SCAPER: variants seen among roughly 807,000 people sequenced by gnomAD.
SCAPER encodes S-phase cyclin A associated protein in the ER, also known as S phase cyclin A-associated protein in the endoplasmic reticulum.
Under a neutral mutation model 182.2 loss-of-function variants are expected in SCAPER, and 98 were observed. The ratio of observed to expected loss-of-function variants is 0.54; its 90% CI spans 0.46 to 0.64. SCAPER has a LOEUF of 0.64. SCAPER is among the 30% of genes least tolerant of loss of function. The probability of loss-of-function intolerance (pLI) is 0.00; values close to 1 mark genes in which losing one functional copy is unlikely to be tolerated. For synonymous variants in SCAPER, 605 were observed against 564.6 expected, an observed-to-expected ratio of 1.07 and a Z score of -1.01; for missense variants, 1,432 against 1,690.0, an observed-to-expected ratio of 0.85 and a Z score of 2.68.
At chr15:76,481,652 A>T (rs2051152875) in intron 24 of SCAPER, among the ~76,000 whole-genome samples, 1 of 152,242 alleles carries the variant, frequency 6.6e-6, no homozygotes, top group Non-Finnish European at 1.5e-5. Context: ...AAGAAGCTCC[A>T]GACATACTTT....
chr15:76,807,147 A>G (rs1049304372), intron 5 of SCAPER, among the ~76,000 whole-genome samples: 1 of 152,208 alleles, frequency 6.6e-6, no homozygotes, highest in Non-Finnish European at 1.5e-5. Context: ...ATCTTACCCA[A>G]CGGGAAAGCT....
intron 15 of SCAPER, among the ~76,000 whole-genome samples, chr15:76,746,251 A>G (rs1295438997): frequency 6.6e-6 from 1 of 152,236 alleles, no homozygotes; most frequent in Non-Finnish European, 1.5e-5. Flanking sequence ...GATTGATTCC[A>G]GGATCCACCA....
chr15:76,504,832 A>G (rs1409396546), intron 24 of SCAPER, 27 bp downstream of exon 24: 2 of 1,550,972 alleles, frequency 1.3e-6, no homozygotes, highest in Non-Finnish European at 1.7e-6. Context: ...ATGAAACGTA[A>G]AAAATAGATT....
chr15:76,587,141 G>A (rs1294405776), intron 22 of SCAPER, among the ~76,000 whole-genome samples: 1 of 152,070 alleles, frequency 6.6e-6, no homozygotes, highest in East Asian at 1.9e-4. Context: ...TTTCTGTGGT[G>A]TCAGTTGTAA....
chr15:76,904,426 C>T (rs1294744868), intron 1 of SCAPER, among the ~76,000 whole-genome samples: 1 of 152,148 alleles, frequency 6.6e-6, no homozygotes, highest in Non-Finnish European at 1.5e-5. Context: ...TAGCTATTTT[C>T]ATGGAAAATA....
At chr15:76,506,163 T>C (rs1017376606) in intron 23 of SCAPER, among the ~76,000 whole-genome samples, 16 of 151,976 alleles carry the variant, frequency 1.1e-4, no homozygotes, top group Admixed American at 1.1e-3. Context: ...TACAAAACAA[T>C]AGTCAGAAAG....
At chr15:76,833,543 C>A (rs1168150777) in intron 5 of SCAPER, among the ~76,000 whole-genome samples, 1 of 152,140 alleles carries the variant, frequency 6.6e-6, no homozygotes, top group African/African-American at 2.4e-5. Flanking sequence ...ATGGGCTAAA[C>A]ATTCCACTTA....
intron 20 of SCAPER, among the ~76,000 whole-genome samples, chr15:76,691,415 T>A (rs2058350932): frequency 6.6e-6 from 1 of 152,054 alleles, no homozygotes; most frequent in Non-Finnish European, 1.5e-5. Context: ...TAATCTACAA[T>A]TTTAAAACAA....
intron 29 of SCAPER, among the ~76,000 whole-genome samples, chr15:76,366,177 G>A (rs2041808773): frequency 6.6e-6 from 1 of 152,146 alleles, no homozygotes; most frequent in African/African-American, 2.4e-5. Context: ...TGGAGGCACA[G>A]GGAGGTGGGC....
intron 14 of SCAPER, among the ~76,000 whole-genome samples, chr15:76,756,548 T>G (rs2062445993): frequency 6.6e-6 from 1 of 152,094 alleles, no homozygotes; most frequent in South Asian, 2.1e-4. Context: ...CTGCACTCCA[T>G]GCTGGGAGAC....
chr15:76,449,485 A>G (rs974737454), intron 25 of SCAPER, among the ~76,000 whole-genome samples: 2 of 152,212 alleles, frequency 1.3e-5, no homozygotes, highest in Non-Finnish European at 2.9e-5. Flanking sequence ...TGGCTTCCCC[A>G]CTAACTTTGT....
chr15:76,432,772 G>A (rs2046952526), intron 26 of SCAPER, among the ~76,000 whole-genome samples: 1 of 152,248 alleles, frequency 6.6e-6, no homozygotes, highest in South Asian at 2.1e-4. Context: ...TTTGTGTAGT[G>A]GAAAGCATAC....
Position 76,829,865 on chromosome 15 carries a change from G to A in SCAPER, c.393+11869C>T, listed in dbSNP as rs191793144. 4.6e-5 allele frequency among the ~76,000 whole-genome samples: 7 copies of A among 152,196 alleles called. No homozygotes were observed. The East Asian group carries it at 1.4e-3, about 29-fold the overall frequency. On this transcript the variant is annotated intron_variant, in intron 5 of 31. Transcript: ENST00000563290. ...ATGGAGGGGTAAACAATACAGTGTT[G>A]TTTCTATCCTCATGGAGCTTAGTGT...
chr15:76,901,671 T>G (rs2074794635), intron 1 of SCAPER, among the ~76,000 whole-genome samples: 1 of 152,220 alleles, frequency 6.6e-6, no homozygotes, highest in African/African-American at 2.4e-5. Context: ...TATGAAATCT[T>G]TAGTGTTTCA....
intron 4 of SCAPER, among the ~76,000 whole-genome samples, chr15:76,843,848 T>C (rs1044599328): frequency 2.0e-5 from 3 of 152,074 alleles, no homozygotes; most frequent in South Asian, 2.1e-4. Flanking sequence ...TTTTAAAATA[T>C]AGGGCTCTAC....
intron 23 of SCAPER, among the ~76,000 whole-genome samples, chr15:76,521,093 A>C (rs921178294): frequency 6.6e-6 from 1 of 152,352 alleles, no homozygotes; most frequent in African/African-American, 2.4e-5. Flanking sequence ...ATGGTAAAAG[A>C]CAGAAAATAA....
rs746780078 is a variant in SCAPER at position 76,765,445 on chromosome 15, G to A, written c.1505C>T (p.Ser502Phe). The change falls in exon 13 of 32, where the codon TCT becomes TTT. Residue 502 changes from serine to phenylalanine, a missense_variant. By Grantham distance (155) the Ser-to-Phe change is radical. Coordinates refer to ENST00000563290, the MANE Select transcript of SCAPER (RefSeq NM_020843.4). ...CCCCCAGGATGTATTTTGGCGCCAA[G>A]ACTCACGAGCTGTTCAGAAAAAAAT... ...DVLADYEARE[S>F]WRQNTSWGDI... 1 of 1,613,646 alleles carries A rather than the reference G, an allele frequency of 6.2e-7. No homozygotes were observed. Among genetic ancestry groups the A allele is most frequent in the Non-Finnish European group, 8.5e-7 (1 of 1,179,770 alleles).
chr15:76,703,229 C>T (rs1324503411), intron 18 of SCAPER, among the ~76,000 whole-genome samples: 2 of 152,164 alleles, frequency 1.3e-5, no homozygotes, highest in African/African-American at 4.8e-5. Flanking sequence ...TTTTACAGAA[C>T]AGGTTCCATG....
At chr15:76,873,654 A>T (rs996527219) in intron 2 of SCAPER, among the ~76,000 whole-genome samples, 5 of 152,222 alleles carry the variant, frequency 3.3e-5, no homozygotes, top group Non-Finnish European at 5.9e-5. Context: ...AGACAAAAAA[A>T]TTAAGTAACA....
Sources: allele counts gnomAD v4.1 joint callset (sites outside exome capture counted in the v4.1 genomes callset), GRCh38; gene constraint gnomAD v4.1.1; transcripts MANE v1.5; gene names NCBI Gene and HGNC (gene_info 2026-07-23, HGNC 2026-07-21).